The following PDE10A variants were observed in gnomAD, a reference collection of about 807,000 sequenced individuals.
PDE10A encodes the protein phosphodiesterase 10A.
PDE10A carries 39 observed loss-of-function variants against 97.7 expected under a neutral mutation model. That is an observed-to-expected ratio of 0.40 (90% confidence interval 0.31 to 0.52). The LOEUF (loss-of-function observed/expected upper bound fraction) is 0.52. PDE10A is among the 20% of genes least tolerant of loss of function. PDE10A has a pLI of 0.56. For missense variants in PDE10A, 731 were observed against 1,047.8 expected (o/e 0.70, Z 4.17); for synonymous variants, 371 against 376.8 (o/e 0.98, Z 0.18).
At chr6:165,336,941 C>T (rs1030403215) in intron 20 of PDE10A, among the ~76,000 whole-genome samples, 4 of 151,894 alleles carry the variant, frequency 2.6e-5, no homozygotes, top group East Asian at 1.9e-4. Context: ...TGGCTCTTTC[C>T]GCCCTCGTGC....
chr6:165,367,119 T>C (rs1783822714), intron 18 of PDE10A, among the ~76,000 whole-genome samples: 1 of 151,884 alleles, frequency 6.6e-6, no homozygotes, highest in African/African-American at 2.4e-5. Flanking sequence ...GGAAAATATA[T>C]ATTTAGAAAA....
chr6:165,488,957 C>T (rs2128285942), intron 2 of PDE10A, among the ~76,000 whole-genome samples: 1 of 152,282 alleles, frequency 6.6e-6, no homozygotes, highest in East Asian at 1.9e-4. Flanking sequence ...ATGCCCAACC[C>T]TGCCTCCACC....
At chr6:165,775,218 C>T (rs1300926629) in intron 1 of PDE10A, 1 of 152,152 alleles carries the variant, frequency 6.6e-6, no homozygotes, top group Non-Finnish European at 1.5e-5. Flanking sequence ...AAATGCAAAC[C>T]TCTGGAAAAC....
chr6:165,504,910 C>T (rs1459400504), intron 2 of PDE10A, among the ~76,000 whole-genome samples: 1 of 152,112 alleles, frequency 6.6e-6, no homozygotes, highest in Non-Finnish European at 1.5e-5. Context: ...TAAGGTGAGA[C>T]TGAATTCAGA....
At chr6:165,755,823 C>T (rs1335216846) in intron 1 of PDE10A, among the ~76,000 whole-genome samples, 1 of 152,192 alleles carries the variant, frequency 6.6e-6, no homozygotes, top group Non-Finnish European at 1.5e-5. Flanking sequence ...CCTGATAGGA[C>T]TTGGGGGATA....
At chr6:165,829,669 C>T (rs1026732784) in intron 1 of PDE10A, among the ~76,000 whole-genome samples, 6 of 152,200 alleles carry the variant, frequency 3.9e-5, no homozygotes, top group Non-Finnish European at 2.9e-5. Context: ...GATAAACTGC[C>T]GGTCCCATCT....
At chr6:165,941,999 G>A (rs765222543) in intron 1 of PDE10A, among the ~76,000 whole-genome samples, 40 of 152,154 alleles carry the variant, frequency 2.6e-4, no homozygotes, top group African/African-American at 7.7e-4. Context: ...TTCAGTCATC[G>A]TTCCTATCCA....
At chr6:165,766,541 A>G (rs969503517) in intron 1 of PDE10A, among the ~76,000 whole-genome samples, 2 of 152,242 alleles carry the variant, frequency 1.3e-5, no homozygotes, top group Non-Finnish European at 2.9e-5. Flanking sequence ...ATTAAGGTCA[A>G]TCTTCCGTGG....
intron 1 of PDE10A, among the ~76,000 whole-genome samples, chr6:165,676,199 G>A (rs1467826048): frequency 6.6e-6 from 1 of 152,194 alleles, no homozygotes; most frequent in Non-Finnish European, 1.5e-5. Flanking sequence ...GATGTACAGA[G>A]TGGAATCACA....
At position 165,600,619 on chromosome 6, in the gene PDE10A, G is replaced by A. The variant is rs534316727; in HGVS notation, c.866-57051C>T. On this transcript the variant is annotated intron_variant, in intron 1 of 21. Transcript: ENST00000539869. Reference sequence around the variant, plus strand: ...CCAGCAGCATCTAGTCACCTTTCCGGCATTGACTTCCTCACTTGATGTTTC... The same window carrying A: ...CCAGCAGCATCTAGTCACCTTTCCGACATTGACTTCCTCACTTGATGTTTC... Among the ~76,000 whole-genome samples, 6 of 152,172 alleles carry A rather than the reference G, an allele frequency of 3.9e-5. No homozygotes were observed. The South Asian group carries it at 8.3e-4, about 21-fold the overall frequency.
chr6:165,543,651 C>T (rs1783582659), intron 1 of PDE10A, 83 bp from the exon 2 acceptor site: 2 of 1,091,640 alleles, frequency 1.8e-6, no homozygotes, highest in African/African-American at 1.6e-5. Flanking sequence ...ACACATTATG[C>T]TAAGACCCAG....
intron 1 of PDE10A, among the ~76,000 whole-genome samples, chr6:165,680,776 C>A (rs1007028693): frequency 6.6e-6 from 1 of 152,012 alleles, no homozygotes; most frequent in East Asian, 1.9e-4. Flanking sequence ...TGGTGGCGGG[C>A]ACCTGTAATC....
At chr6:165,555,622 A>C (rs999955076) in intron 1 of PDE10A, among the ~76,000 whole-genome samples, 1 of 152,226 alleles carries the variant, frequency 6.6e-6, no homozygotes, top group South Asian at 2.1e-4. Flanking sequence ...TATATTTAAG[A>C]ATATTTCATC....
At chr6:165,602,200 A>G (rs1786989347) in intron 1 of PDE10A, among the ~76,000 whole-genome samples, 1 of 152,150 alleles carries the variant, frequency 6.6e-6, no homozygotes, top group Non-Finnish European at 1.5e-5. Flanking sequence ...GGCACAGGTA[A>G]CAAACGGCAG....
Position 165,452,344 on chromosome 6 carries a change from G to C in PDE10A, c.1024-1982C>G, listed in dbSNP as rs191947876. On this transcript the variant is annotated intron_variant, in intron 3 of 21. Coordinates refer to ENST00000539869, the MANE Select transcript of PDE10A (RefSeq NM_001385079.1). Reference sequence around the variant, plus strand: ...ACAGAAATATTCAGCATGGCTGCTTGATCACAACTGCTATGGTTTGAACAT... The same window carrying C: ...ACAGAAATATTCAGCATGGCTGCTTCATCACAACTGCTATGGTTTGAACAT... Among the ~76,000 whole-genome samples the C allele has an allele frequency of 5.9e-5, 9 of 152,348 alleles. No individual in the cohort carries two copies. In the East Asian group the frequency reaches 1.7e-3, roughly 29 times the overall value.
At chr6:165,721,420 T>C (rs768879452) in intron 1 of PDE10A, among the ~76,000 whole-genome samples, 9 of 152,224 alleles carry the variant, frequency 5.9e-5, no homozygotes, top group Non-Finnish European at 1.0e-4. Flanking sequence ...AAGTGGATAT[T>C]TTGAGGTATG....
At chr6:165,565,375 G>C (rs1583551830) in intron 1 of PDE10A, among the ~76,000 whole-genome samples, 1 of 152,038 alleles carries the variant, frequency 6.6e-6, no homozygotes, top group Admixed American at 6.5e-5. Context: ...TGAAATACTT[G>C]GGTATAAATC....
chr6:165,803,919 C>A (rs1054087792), intron 1 of PDE10A, among the ~76,000 whole-genome samples: 22 of 152,314 alleles, frequency 1.4e-4, no homozygotes, highest in Non-Finnish European at 3.2e-4. Flanking sequence ...GCCTCCCTCC[C>A]CATCTCCCCA....
rs535984898 is a variant in PDE10A, at chr6:165,421,691, G to A, written c.1654-2914C>T. On this transcript the variant is annotated intron_variant, in intron 10 of 21. Coordinates refer to ENST00000539869, the MANE Select transcript of PDE10A (RefSeq NM_001385079.1). Reference sequence around the variant, plus strand: ...CATGTGAGGTATACATATTTGAAGAGATAAAATTTTTCTTGTTTGAGGATA... The same window carrying A: ...CATGTGAGGTATACATATTTGAAGAAATAAAATTTTTCTTGTTTGAGGATA... Among the ~76,000 whole-genome samples the A allele has an allele frequency of 1.4e-4, 21 of 152,274 alleles. No individual in the cohort carries two copies. The East Asian group carries it at 3.9e-3, about 28-fold the overall frequency.
Sources: gnomAD v4.1 joint callset for allele counts (sites outside exome capture counted in the v4.1 genomes callset) on GRCh38, gnomAD v4.1.1 for gene constraint, MANE v1.5 for transcripts, NCBI Gene and HGNC (gene_info 2026-07-23, HGNC 2026-07-21) for gene names.